The following ATXN10 variants were observed in gnomAD, a reference collection of about 807,000 sequenced individuals.
The protein encoded by ATXN10 is ataxin 10.
In ATXN10, 28 loss-of-function variants were observed where a neutral mutation model predicts 52.9. That is an observed-to-expected ratio of 0.53 (90% confidence interval 0.39 to 0.73). ATXN10 has a LOEUF of 0.73. Ranked by LOEUF, ATXN10 falls within the 30% of genes least tolerant of loss-of-function variation. The probability of loss-of-function intolerance (pLI) is 0.00; values close to 1 mark genes in which losing one functional copy is unlikely to be tolerated. For missense variants in ATXN10, 565 were observed against 577.0 expected, an observed-to-expected ratio of 0.98 and a Z score of 0.21; for synonymous variants, 226 against 221.5, an observed-to-expected ratio of 1.02 and a Z score of -0.18.
At chr22:45,737,732 T>C (rs1925353631) in intron 7 of ATXN10, among the ~76,000 whole-genome samples, 1 of 147,592 alleles carries the variant, frequency 6.8e-6, no homozygotes, top group Admixed American at 6.8e-5. Context: ...AGAGTCTTGC[T>C]CTGTTGCCCA....
At chr22:45,834,911 A>G (rs1322369930) in intron 10 of ATXN10, among the ~76,000 whole-genome samples, 1 of 152,188 alleles carries the variant, frequency 6.6e-6, no homozygotes, top group Non-Finnish European at 1.5e-5. Context: ...GAACTACTTC[A>G]TGGCCCCAAA....
chr22:45,734,285 A>G (rs1925202074), intron 7 of ATXN10: 1 of 166,276 alleles, frequency 6.0e-6, no homozygotes, highest in Non-Finnish European at 1.3e-5. Context: ...ATCTGATTTA[A>G]TTACTATTTC....
intron 3 of ATXN10, among the ~76,000 whole-genome samples, chr22:45,698,398 G>A (rs920556227): frequency 2.6e-5 from 4 of 152,130 alleles, no homozygotes; most frequent in African/African-American, 4.8e-5. Flanking sequence ...CTTATTGGCC[G>A]TTTGTAAATC....
chr22:45,788,160 G>A (rs1927382859), intron 9 of ATXN10, among the ~76,000 whole-genome samples: 1 of 152,070 alleles, frequency 6.6e-6, no homozygotes, highest in Admixed American at 6.5e-5. Flanking sequence ...GCCCAGACAT[G>A]TCCCTGGGGC....
intron 9 of ATXN10, among the ~76,000 whole-genome samples, chr22:45,758,246 G>C (rs1926247650): frequency 6.6e-6 from 1 of 152,210 alleles, no homozygotes; most frequent in South Asian, 2.1e-4. Flanking sequence ...GTTGTTTGGA[G>C]TTAGCTGAGC....
intron 6 of ATXN10, among the ~76,000 whole-genome samples, chr22:45,721,920 A>G (rs1466152138): frequency 1.4e-5 from 2 of 141,186 alleles, no homozygotes; most frequent in African/African-American, 6.4e-5. Context: ...GTCACATGAA[A>G]AAACAAAACA....
At chr22:45,740,303 A>G (rs1925458938) in intron 8 of ATXN10, 66 bp from the exon 9 acceptor site, 1 of 1,495,324 alleles carries the variant, frequency 6.7e-7, no homozygotes, top group African/African-American at 1.4e-5. Flanking sequence ...TCTATGGAAA[A>G]CTATTAGTAC....
rs1929432158 is a variant in ATXN10 at position 45,843,986 on chromosome 22, C to A, written c.*315C>A. 5 of 369,574 alleles carry A rather than the reference C, an allele frequency of 1.4e-5. No homozygotes were observed. The South Asian group carries it at 1.9e-4, about 14-fold the overall frequency. 22.9% of individuals were successfully genotyped at this position (369,574 alleles called of 1,614,324 possible). Reference sequence around the variant, plus strand: ...CTTGGAGGGCACAACCCTTATTTGACAAAACTTGGATGTTGGCTTGACTGT... The same window carrying A: ...CTTGGAGGGCACAACCCTTATTTGAAAAAACTTGGATGTTGGCTTGACTGT... On this transcript the variant is annotated 3_prime_UTR_variant, in exon 12 of 12. Transcript: ENST00000252934. This position sits in a 1 kb window ranked among gnomAD's most constrained non-coding sequence, Gnocchi z 4.5.
chr22:45,707,787 A>G (rs1156856672), intron 5 of ATXN10, among the ~76,000 whole-genome samples: 2 of 152,104 alleles, frequency 1.3e-5, no homozygotes, highest in Admixed American at 1.3e-4. Context: ...GAATACTTTG[A>G]TTTATGTGAG....
chr22:45,703,298 G>A (rs138743955), intron 5 of ATXN10, among the ~76,000 whole-genome samples: 295 of 152,190 alleles, frequency 1.9e-3, no homozygotes, highest in Admixed American at 9.3e-3. Flanking sequence ...TACATAATGT[G>A]TTATTTCTCT....
chr22:45,762,265 C>T lies in ATXN10; in HGVS notation c.1173+21727C>T, dbSNP rs772525926. On this transcript the variant is annotated intron_variant, in intron 9 of 11. Transcript: ENST00000252934. The surrounding 1 kb of genome is among the most constrained non-coding windows in gnomAD (Gnocchi z 4.3). Reference sequence around the variant, plus strand: ...ACCAGCGTGCGTTTCTTTCTGGAGGCGCAGGGACCTCGGCTTATTTTTCTC... The same window carrying T: ...ACCAGCGTGCGTTTCTTTCTGGAGGTGCAGGGACCTCGGCTTATTTTTCTC... Among the ~76,000 whole-genome samples the T allele has an allele frequency of 1.1e-4, 16 of 152,154 alleles. No homozygotes were observed. Among genetic ancestry groups the T allele is most frequent in the Non-Finnish European group, 1.9e-4 (13 of 68,026 alleles).
At position 45,708,101 on chromosome 22, in the gene ATXN10, G is replaced by A. The variant is rs1924110345; in HGVS notation, c.647+5254G>A. 6.6e-6 allele frequency among the ~76,000 whole-genome samples: 1 copy of A among 152,202 alleles called. No homozygotes were observed. Among genetic ancestry groups the A allele is most frequent in the Non-Finnish European group, 1.5e-5 (1 of 68,024 alleles). ...GAGTATACTAGAGACACAGGAAAGT[G>A]TAGGCGAGAAAGTCTTTGGCACTAC... is the stretch of plus-strand genomic sequence containing the variant. On this transcript the variant is annotated intron_variant, in intron 5 of 11. Transcript: ENST00000252934. This position sits in a 1 kb window ranked among gnomAD's most constrained non-coding sequence, Gnocchi z 5.3.
intron 9 of ATXN10, among the ~76,000 whole-genome samples, chr22:45,751,062 C>A (rs940408929): frequency 2.0e-5 from 3 of 152,034 alleles, no homozygotes; most frequent in African/African-American, 7.2e-5. Context: ...TCCTGAGTAG[C>A]TGGGATTACA....
Position 45,750,745 on chromosome 22 carries a change from T to C in ATXN10, c.1173+10207T>C, listed in dbSNP as rs1229137195. On this transcript the variant is annotated intron_variant, in intron 9 of 11. Transcript: ENST00000252934. The surrounding 1 kb of genome is among the most constrained non-coding windows in gnomAD (Gnocchi z 4.2). ...TATAGGTTAGTGGAGGCAGACATAG[T>C]TTCCAAACAGACCCAGGAGAAGTTA... 6.6e-6 allele frequency among the ~76,000 whole-genome samples: 1 copy of C among 152,134 alleles called. No individual in the cohort carries two copies. The highest frequency in any genetic ancestry group is 2.4e-5 in the African/African-American group (1 of 41,416).
At chr22:45,707,077 A>C (rs1268200726) in intron 5 of ATXN10, among the ~76,000 whole-genome samples, 2 of 152,072 alleles carry the variant, frequency 1.3e-5, no homozygotes, top group African/African-American at 4.8e-5. Context: ...TACCTTCTTG[A>C]TGCATTGACC....
At position 45,715,631 on chromosome 22, in the gene ATXN10, T is replaced by C. The variant is rs2146770591; in HGVS notation, c.648-2782T>C. Among the ~76,000 whole-genome samples the C allele has an allele frequency of 6.6e-6, 1 of 152,342 alleles. No individual in the cohort carries two copies. Among genetic ancestry groups the C allele is most frequent in the East Asian group, 1.9e-4 (1 of 5,192 alleles). ...GTGTGGCCCAGGGAAGCCAAAAGATTGGACACCGCTGATACAGATGATCTT... is the reference window on the plus strand; with the variant it reads ...GTGTGGCCCAGGGAAGCCAAAAGATCGGACACCGCTGATACAGATGATCTT... On this transcript the variant is annotated intron_variant, in intron 5 of 11. Coordinates refer to ENST00000252934, the MANE Select transcript of ATXN10 (RefSeq NM_013236.4). The surrounding 1 kb of genome is among the most constrained non-coding windows in gnomAD (Gnocchi z 4.4).
intron 5 of ATXN10, among the ~76,000 whole-genome samples, chr22:45,713,936 T>TACTG (rs1206305834): frequency 6.6e-6 from 1 of 152,240 alleles, no homozygotes; most frequent in Non-Finnish European, 1.5e-5. Flanking sequence ...GACTAGAAGC[T>TACTG]ACTGCCATGA....
chr22:45,737,858 G>A (rs566191177), intron 7 of ATXN10, among the ~76,000 whole-genome samples: 1 of 151,704 alleles, frequency 6.6e-6, no homozygotes, highest in East Asian at 1.9e-4. Context: ...ACCACCAAGC[G>A]TGGCTAATTT....
rs1333165496 is a variant in ATXN10 at position 45,733,959 on chromosome 22, C to T, written c.894+4369C>T. 6.6e-6 allele frequency among the ~76,000 whole-genome samples: 1 copy of T among 151,842 alleles called. No homozygotes were observed. The highest frequency in any genetic ancestry group is 2.4e-5 in the African/African-American group (1 of 41,324). On this transcript the variant is annotated intron_variant, in intron 7 of 11. Coordinates refer to ENST00000252934, the MANE Select transcript of ATXN10 (RefSeq NM_013236.4). The surrounding 1 kb of genome is among the most constrained non-coding windows in gnomAD (Gnocchi z 4.4). ...ATGATGTAACTTGTACATCTTTGCA[C>T]TTTAGCATGTGTATATTCATTGTAT...
Sources: allele counts gnomAD v4.1 joint callset (sites outside exome capture counted in the v4.1 genomes callset), GRCh38; gene constraint gnomAD v4.1.1; non-coding constraint Gnocchi (gnomAD v3.1); transcripts MANE v1.5; gene names NCBI Gene and HGNC (gene_info 2026-07-23, HGNC 2026-07-21).